Variants in PDE1C observed in about 807,000 individuals in gnomAD.
PDE1C encodes the protein phosphodiesterase 1C, also known as dual specificity calcium/calmodulin-dependent 3',5'-cyclic nucleotide phosphodiesterase 1C.
Under a neutral mutation model 93.1 loss-of-function variants are expected in PDE1C, and 62 were observed. That is an observed-to-expected ratio of 0.67 (90% confidence interval 0.54 to 0.82). The LOEUF (loss-of-function observed/expected upper bound fraction) is 0.82. Among genes scored for constraint, PDE1C ranks in the 40% least tolerant of loss-of-function variants. The pLI, the probability that PDE1C is intolerant of heterozygous loss-of-function variation, is 0.00. For missense variants in PDE1C, 742 were observed against 884.6 expected, an observed-to-expected ratio of 0.84 and a Z score of 2.04; for synonymous variants, 325 against 310.1, an observed-to-expected ratio of 1.05 and a Z score of -0.50.
rs528485642 is a variant in PDE1C at position 32,422,280 on chromosome 7, C to T, written c.310+5542G>A. Among the ~76,000 whole-genome samples the T allele has an allele frequency of 4.6e-5, 7 of 152,312 alleles. No individual in the cohort carries two copies. In the South Asian group the frequency reaches 1.2e-3, roughly 27 times the overall value. On this transcript the variant is annotated intron_variant, in intron 1 of 1. Coordinates refer to the PDE1C transcript ENST00000672256. ...TGGTGTCACTACTTCACCATCTACACACCAATGTTTATTATTATTTTTTGA... is the reference window on the plus strand; with the variant it reads ...TGGTGTCACTACTTCACCATCTACATACCAATGTTTATTATTATTTTTTGA...
intron 3 of PDE1C, chr7:32,077,760 G>A (rs560535939): frequency 5.4e-5 from 29 of 540,740 alleles, no homozygotes; most frequent in East Asian, 2.9e-4. Context: ...TAGTAGAGAC[G>A]GGGTTTCACC....
intron 6 of PDE1C, among the ~76,000 whole-genome samples, chr7:31,867,536 C>T (rs1286268615): frequency 6.6e-6 from 1 of 152,174 alleles, no homozygotes; most frequent in African/African-American, 2.4e-5. Context: ...TACATGCCAC[C>T]TGTGAGCCTG....
At chr7:32,035,606 G>C (rs1790960035) in intron 2 of PDE1C, among the ~76,000 whole-genome samples, 1 of 152,178 alleles carries the variant, frequency 6.6e-6, no homozygotes. Context: ...GATTTATACA[G>C]TGATGGGTCC....
At chr7:31,715,572 T>C in the PDE1C span, among the ~76,000 whole-genome samples, 14 of 152,218 alleles carry the variant, frequency 9.2e-5, no homozygotes, top group African/African-American at 3.4e-4. Flanking sequence ...TCTTTTCTAA[T>C]CATAGAATAA....
chr7:32,262,733 G>C (rs1047299566), intron 1 of PDE1C, among the ~76,000 whole-genome samples: 1 of 152,172 alleles, frequency 6.6e-6, no homozygotes. Context: ...TTTGGGAAGG[G>C]GGAGCCCCCG....
At position 31,877,991 on chromosome 7, in the gene PDE1C, T is replaced by C. The variant is rs1417077841; in HGVS notation, c.471A>G (p.Pro157=). ...TTACCTTTAATGCCTCAATAACAGC[T>C]GGTGGATAGCTCAGTCCAACCATGT... ...TSNMVGLSYP[P]AVIEALKDVD... The change falls in exon 5 of 18, where the codon CCA becomes CCG. Residue 157 remains proline, a synonymous_variant. Transcript: ENST00000396191. 2 of 1,613,030 alleles carry C rather than the reference T, an allele frequency of 1.2e-6. No individual in the cohort carries two copies. Among genetic ancestry groups the C allele is most frequent in the Admixed American group, 1.7e-5 (1 of 59,990 alleles).
chr7:32,200,337 G>A (rs575035044), intron 2 of PDE1C, among the ~76,000 whole-genome samples: 2 of 152,206 alleles, frequency 1.3e-5, no homozygotes, highest in South Asian at 4.2e-4. Context: ...GCCATTAGTA[G>A]CCCAGAACTA....
the PDE1C span, among the ~76,000 whole-genome samples, chr7:31,733,321 A>T: frequency 6.6e-6 from 1 of 152,214 alleles, no homozygotes; most frequent in Non-Finnish European, 1.5e-5. Flanking sequence ...CATATTGCAC[A>T]GTCAACTTGT....
At chr7:31,893,289 C>T (rs139815379) in intron 2 of PDE1C, among the ~76,000 whole-genome samples, 1 of 152,138 alleles carries the variant, frequency 6.6e-6, no homozygotes, top group Non-Finnish European at 1.5e-5. Flanking sequence ...CATTCAATTT[C>T]CTTCCAACTA....
rs115972892 is a variant in PDE1C, at chr7:32,337,882, C to T, written c.310+89940G>A. Among the ~76,000 whole-genome samples the T allele has an allele frequency of 3.8e-3, 579 of 152,228 alleles. 5 individuals carry two copies. The highest frequency in any genetic ancestry group is 0.013 in the African/African-American group (553 of 41,546). On this transcript the variant is annotated intron_variant, in intron 1 of 1. Coordinates refer to the PDE1C transcript ENST00000672256. ...GCCACGGAGCAAGCAAACGAGGCAG[C>T]GGAGTCTTTTCAACAAGTGGTGCTG...
At chr7:32,312,299 A>G (rs1434166782) in intron 1 of PDE1C, among the ~76,000 whole-genome samples, 1 of 151,980 alleles carries the variant, frequency 6.6e-6, no homozygotes, top group Non-Finnish European at 1.5e-5. Context: ...ATGGGTAGGA[A>G]GAATCAATAT....
chr7:32,047,852 T>C (rs11773452), intron 2 of PDE1C, among the ~76,000 whole-genome samples: 11,252 of 152,272 alleles, frequency 0.074, 500 homozygotes, highest in Non-Finnish European at 0.09. Flanking sequence ...AATCAAACCT[T>C]TTAATATAAC....
At chr7:32,293,563 T>A (rs1220870681) in intron 1 of PDE1C, among the ~76,000 whole-genome samples, 1 of 152,182 alleles carries the variant, frequency 6.6e-6, no homozygotes, top group Non-Finnish European at 1.5e-5. Flanking sequence ...CATACTGCCA[T>A]AACCTAAGGA....
At chr7:32,308,722 G>A (rs1263285590) in intron 1 of PDE1C, among the ~76,000 whole-genome samples, 1 of 152,176 alleles carries the variant, frequency 6.6e-6, no homozygotes, top group Non-Finnish European at 1.5e-5. Context: ...CAAACAGAAA[G>A]GACATCCACA....
chr7:32,023,259 G>A (rs1252569779), intron 2 of PDE1C, among the ~76,000 whole-genome samples: 4 of 152,102 alleles, frequency 2.6e-5, no homozygotes, highest in Non-Finnish European at 5.9e-5. Context: ...CATACAGCTT[G>A]CAATGGTTGA....
chr7:31,625,259 C>A, the PDE1C span, among the ~76,000 whole-genome samples: 3 of 137,050 alleles, frequency 2.2e-5, no homozygotes, highest in African/African-American at 8.2e-5. Context: ...TTGACCCAGC[C>A]ATCCCATTAC....
At chr7:31,830,429 A>G (rs576913783) in intron 11 of PDE1C, among the ~76,000 whole-genome samples, 20 of 152,216 alleles carry the variant, frequency 1.3e-4, no homozygotes, top group Non-Finnish European at 2.5e-4. Flanking sequence ...GCGCAGAAAA[A>G]TAAGTATCAT....
intron 3 of PDE1C, among the ~76,000 whole-genome samples, chr7:32,159,778 G>A (rs142049663): frequency 1.7e-4 from 26 of 151,138 alleles, no homozygotes; most frequent in African/African-American, 6.1e-4. Context: ...AGGGATATCC[G>A]CCCAAAAACC....
chr7:31,946,860 T>C (rs1335001421), intron 2 of PDE1C, among the ~76,000 whole-genome samples: 1 of 152,212 alleles, frequency 6.6e-6, no homozygotes. Flanking sequence ...GTGTGATTTT[T>C]TTCCTTGCTA....
Sources: allele counts gnomAD v4.1 joint callset (sites outside exome capture counted in the v4.1 genomes callset), GRCh38; gene constraint gnomAD v4.1.1; transcripts MANE v1.5; gene names NCBI Gene and HGNC (gene_info 2026-07-23, HGNC 2026-07-21).